Variants in SBF2 observed in about 807,000 individuals in gnomAD.
SBF2 encodes the protein SET binding factor 2, also known as myotubularin-related protein 13.
In SBF2, 112 loss-of-function variants were observed where a neutral mutation model predicts 225.2. The observed-to-expected ratio is 0.50, with a 90% CI of 0.43 to 0.58. The LOEUF (loss-of-function observed/expected upper bound fraction) is 0.58, where lower values mean the gene tolerates loss of function less well. Ranked by LOEUF, SBF2 falls within the 20% of genes least tolerant of loss-of-function variation. SBF2 has a pLI of 0.00. For synonymous variants in SBF2, 763 were observed against 773.3 expected (o/e 0.99, Z 0.22); for missense variants, 1,996 against 2,206.2 (o/e 0.90, Z 1.91).
At position 9,965,578 on chromosome 11, in the gene SBF2, G is replaced by A. The variant is rs141729433; in HGVS notation, c.1601-1696C>T. ...GCTGGGATTACAGGTATGAGCCACC[G>A]CGCCCAGCCTTAAACTTTTTAATAA... On this transcript the variant is annotated intron_variant, in intron 14 of 39. Coordinates refer to ENST00000256190, the MANE Select transcript of SBF2 (RefSeq NM_030962.4). Among the ~76,000 whole-genome samples, 310 of 152,156 alleles carry A rather than the reference G, an allele frequency of 2.0e-3. 7 individuals carry two copies. The East Asian group carries it at 0.056, about 27-fold the overall frequency.
rs374957133 is a variant in SBF2, at chr11:9,880,886, A to C, written c.1929+15057T>G. On this transcript the variant is annotated intron_variant, in intron 17 of 39. Transcript: ENST00000256190. ...TTCTGCCCCTGTCAGCATTTTAATC[A>C]ATGGCTTGGATCACAAGAAATATGA... Among the ~76,000 whole-genome samples, 56 of 152,328 alleles carry C rather than the reference A, an allele frequency of 3.7e-4. No individual in the cohort carries two copies. The South Asian group carries it at 4.8e-3, about 13-fold the overall frequency.
chr11:10,049,644 T>C (rs1949992698), intron 2 of SBF2, among the ~76,000 whole-genome samples: 1 of 152,040 alleles, frequency 6.6e-6, no homozygotes, highest in Non-Finnish European at 1.5e-5. Context: ...AATATATAAA[T>C]GAATTGATAA....
At chr11:10,211,147 T>A (rs1441686895) in intron 1 of SBF2, among the ~76,000 whole-genome samples, 3 of 152,054 alleles carry the variant, frequency 2.0e-5, no homozygotes, top group African/African-American at 7.2e-5. Context: ...CTCATGTCAC[T>A]GGTATCCAGT....
chr11:10,300,840 G>A (rs1489610498), intron 1 of SBF2, among the ~76,000 whole-genome samples: 3 of 147,042 alleles, frequency 2.0e-5, no homozygotes, highest in African/African-American at 5.0e-5. Context: ...TGTAGGGATG[G>A]ATTTTTGCCA....
chr11:10,062,137 A>G (rs986026393), intron 2 of SBF2, among the ~76,000 whole-genome samples: 1 of 152,252 alleles, frequency 6.6e-6, no homozygotes, highest in African/African-American at 2.4e-5. Context: ...GGCTAGCCAT[A>G]TGCAGAATAC....
chr11:10,144,363 C>A (rs1301576876), intron 2 of SBF2, among the ~76,000 whole-genome samples: 3 of 152,054 alleles, frequency 2.0e-5, no homozygotes, highest in African/African-American at 7.2e-5. Context: ...TGGTGTGCAC[C>A]TGTAGTCCCC....
At chr11:9,951,291 G>A (rs993806979) in intron 16 of SBF2, among the ~76,000 whole-genome samples, 2 of 152,146 alleles carry the variant, frequency 1.3e-5, no homozygotes, top group Non-Finnish European at 2.9e-5. Context: ...TGAAGGCAAA[G>A]GATTTTAAAT....
intron 3 of SBF2, among the ~76,000 whole-genome samples, chr11:10,040,775 G>T (rs1473503490): frequency 6.6e-6 from 1 of 151,620 alleles, no homozygotes; most frequent in Admixed American, 6.6e-5. Flanking sequence ...GGGGAAGAGG[G>T]AAGAAGGGAT....
At chr11:9,938,067 G>A (rs369488544) in intron 16 of SBF2, among the ~76,000 whole-genome samples, 5 of 152,092 alleles carry the variant, frequency 3.3e-5, no homozygotes, top group South Asian at 2.1e-4. Context: ...CAAGGCGGGC[G>A]GATCACGCGG....
At chr11:10,242,235 G>A (rs1210593134) in intron 1 of SBF2, among the ~76,000 whole-genome samples, 1 of 151,996 alleles carries the variant, frequency 6.6e-6, no homozygotes, top group African/African-American at 2.4e-5. Flanking sequence ...GTGTGGCAAA[G>A]GCATTATAAG....
At chr11:10,178,081 A>C (rs1365214079) in intron 2 of SBF2, among the ~76,000 whole-genome samples, 1 of 147,086 alleles carries the variant, frequency 6.8e-6, no homozygotes, top group Non-Finnish European at 1.5e-5. Context: ...TGAGAAAAAC[A>C]AGCAATGGGG....
At chr11:9,839,430 G>T (rs2133951854) in intron 26 of SBF2, 68 bp downstream of exon 26, 5 of 1,442,930 alleles carry the variant, frequency 3.5e-6, no homozygotes, top group Non-Finnish European at 4.9e-6. Flanking sequence ...GATGCAAATG[G>T]CCTATTAAAG....
At chr11:10,074,529 C>T (rs1317303482) in intron 2 of SBF2, among the ~76,000 whole-genome samples, 3 of 152,150 alleles carry the variant, frequency 2.0e-5, no homozygotes, top group Non-Finnish European at 4.4e-5. Flanking sequence ...ATTTTATTAT[C>T]TCTCAAAGTT....
chr11:9,900,897 C>G (rs1340573361), intron 16 of SBF2, among the ~76,000 whole-genome samples: 2 of 152,064 alleles, frequency 1.3e-5, no homozygotes, highest in Non-Finnish European at 2.9e-5. Flanking sequence ...TCACCGCACC[C>G]AGCTAATTTT....
At chr11:9,885,259 A>AAAG (rs1860174640) in intron 17 of SBF2, among the ~76,000 whole-genome samples, 1 of 149,510 alleles carries the variant, frequency 6.7e-6, no homozygotes, top group East Asian at 1.9e-4. Context: ...TCCAAAAAAA[A>AAAG]AAAAAAAAAA....
chr11:10,230,511 G>A (rs1465294018), intron 1 of SBF2, among the ~76,000 whole-genome samples: 2 of 152,062 alleles, frequency 1.3e-5, no homozygotes, highest in East Asian at 1.9e-4. Context: ...GCCTGGTGGC[G>A]ACAAAATCTC....
chr11:9,823,443 A>C (rs891490850), intron 28 of SBF2, among the ~76,000 whole-genome samples: 1 of 152,110 alleles, frequency 6.6e-6, no homozygotes, highest in African/African-American at 2.4e-5. Context: ...AGAATGAAAA[A>C]AATTGTGAAA....
intron 2 of SBF2, among the ~76,000 whole-genome samples, chr11:10,076,890 C>T (rs911918683): frequency 3.3e-5 from 5 of 152,220 alleles, no homozygotes; most frequent in Non-Finnish European, 7.3e-5. Flanking sequence ...ACTGTCCAGC[C>T]TAGCCCCATT....
At chr11:10,043,038 ATC>A (rs1304312987) in intron 2 of SBF2, 57 bp from the exon 3 acceptor site, 3 of 1,532,648 alleles carry the variant, frequency 2.0e-6, no homozygotes, top group East Asian at 2.4e-5. Context: ...TTAATTATTA[ATC>A]TCTGAGAAAT....
Sources: gnomAD v4.1 joint callset for allele counts (sites outside exome capture counted in the v4.1 genomes callset) on GRCh38, gnomAD v4.1.1 for gene constraint, MANE v1.5 for transcripts, NCBI Gene and HGNC (gene_info 2026-07-23, HGNC 2026-07-21) for gene names.